Variants in MED27 observed in about 807,000 individuals in gnomAD.
The protein encoded by MED27 is mediator of RNA polymerase II transcription subunit 27.
In MED27, 30 loss-of-function variants were observed where a neutral mutation model predicts 38.2. The observed-to-expected ratio is 0.79, with a 90% confidence interval of 0.59 to 1.07. The LOEUF (loss-of-function observed/expected upper bound fraction) is 1.07, where lower values mean the gene tolerates loss of function less well. Among genes scored for constraint, MED27 ranks in the 50% least tolerant of loss-of-function variants. The probability of loss-of-function intolerance (pLI) is 0.00; values close to 1 mark genes in which losing one functional copy is unlikely to be tolerated. For missense variants in MED27, 289 were observed against 397.5 expected, an observed-to-expected ratio of 0.73 and a Z score of 2.32; for synonymous variants, 122 against 153.5, an observed-to-expected ratio of 0.79 and a Z score of 1.52.
chr9:132,067,049 T>C (rs1166245473), intron 2 of MED27, among the ~76,000 whole-genome samples: 1 of 152,158 alleles, frequency 6.6e-6, no homozygotes, highest in African/African-American at 2.4e-5. Flanking sequence ...AATCTAAAAA[T>C]GACCGAGGAA....
In MED27 at chr9:131,963,464, GAC is replaced by G. The variant is rs1831261032; in HGVS notation, c.480-23992_480-23991del. The stretch of plus-strand genomic sequence containing the variant: ...AGCAGAAGAAGATGGGAACAAGGGA[GAC>G]ACCTATATCATGGCAAAAGTATTTA... On this transcript the variant is annotated intron_variant, in intron 3 of 7. Coordinates refer to ENST00000292035, the MANE Select transcript of MED27 (RefSeq NM_004269.4). Among the ~76,000 whole-genome samples, 5 of 151,964 alleles carry G rather than the reference GAC, an allele frequency of 3.3e-5. No homozygotes were observed. The South Asian group carries it at 1.0e-3, about 32-fold the overall frequency.
intron 3 of MED27, among the ~76,000 whole-genome samples, chr9:131,995,121 A>G (rs1332183915): frequency 6.6e-6 from 1 of 152,144 alleles, no homozygotes; most frequent in East Asian, 1.9e-4. Flanking sequence ...TCAAGGTCCT[A>G]GAAGGAAAAA....
At chr9:131,972,827 C>T (rs1831510604) in intron 3 of MED27, among the ~76,000 whole-genome samples, 1 of 152,190 alleles carries the variant, frequency 6.6e-6, no homozygotes, top group African/African-American at 2.4e-5. Flanking sequence ...ACGGGTGGGT[C>T]ATCTGAGGTC....
rs558339837 is a variant in MED27 at position 132,073,855 on chromosome 9, T to C, written c.348+3587A>G. The C allele has an allele frequency of 3.0e-6, 4 of 1,322,874 alleles. No individual in the cohort carries two copies. In the East Asian group the frequency reaches 8.5e-5, roughly 28 times the overall value. 81.9% of individuals were successfully genotyped at this position (1,322,874 alleles called of 1,614,324 possible). On this transcript the variant is annotated intron_variant, in intron 2 of 7. Coordinates refer to ENST00000292035, the MANE Select transcript of MED27 (RefSeq NM_004269.4). ...GTGACACTTCTGGGGTCTTTGCAGC[T>C]TCAGATGTTGCCAGGGAAAGGCGGA...
intron 3 of MED27, among the ~76,000 whole-genome samples, chr9:131,986,995 A>G (rs984871413): frequency 9.5e-6 from 1 of 105,496 alleles, no homozygotes; most frequent in Non-Finnish European, 1.9e-5. Flanking sequence ...CCTTGAGTTC[A>G]TGGATTTTTT....
chr9:132,053,627 C>T (rs1477159047), intron 2 of MED27, among the ~76,000 whole-genome samples: 4 of 152,150 alleles, frequency 2.6e-5, no homozygotes, highest in African/African-American at 4.8e-5. Context: ...GGAGTCACAC[C>T]GCTGGGAAAC....
chr9:131,995,157 A>G (rs915298651), intron 3 of MED27, among the ~76,000 whole-genome samples: 1 of 152,122 alleles, frequency 6.6e-6, no homozygotes, highest in Non-Finnish European at 1.5e-5. Flanking sequence ...ACAAGAAAGT[A>G]TGAGGTATGG....
chr9:132,008,965 C>T (rs1171177504), intron 3 of MED27, among the ~76,000 whole-genome samples: 1 of 152,220 alleles, frequency 6.6e-6, no homozygotes, highest in African/African-American at 2.4e-5. Flanking sequence ...TCCTTCACAG[C>T]CAGCAGCAGA....
Position 131,932,038 on chromosome 9 carries a change from A to T in MED27, c.573+7343T>A, listed in dbSNP as rs1830598501. On this transcript the variant is annotated intron_variant, in intron 4 of 7. Transcript: ENST00000292035. ...GAACACTTCATCCAATGACTGCAGA[A>T]CACATATTCTTCTCCTCAGCACACA... 2.0e-5 allele frequency among the ~76,000 whole-genome samples: 3 copies of T among 152,176 alleles called. No individual in the cohort carries two copies. The South Asian group carries it at 6.2e-4, about 31-fold the overall frequency.
intron 2 of MED27, among the ~76,000 whole-genome samples, chr9:132,028,977 A>C (rs1832889391): frequency 1.3e-5 from 2 of 152,230 alleles, no homozygotes; most frequent in Admixed American, 6.5e-5. Context: ...CAGTCTCTTG[A>C]GACCTGGAAG....
intron 4 of MED27, among the ~76,000 whole-genome samples, chr9:131,921,049 C>T (rs1455892736): frequency 1.3e-5 from 2 of 152,154 alleles, no homozygotes; most frequent in East Asian, 1.9e-4. Context: ...GTAGAAGCAA[C>T]AGTCAGATTC....
At chr9:131,908,873 TTA>T (rs1830134125) in intron 4 of MED27, among the ~76,000 whole-genome samples, 1 of 88,504 alleles carries the variant, frequency 1.1e-5, no homozygotes, top group Non-Finnish European at 2.8e-5. Context: ...GAATGATCAA[TTA>T]AAAAAAAAAA....
intron 4 of MED27, among the ~76,000 whole-genome samples, chr9:131,897,311 AC>A (rs542026436): frequency 1.3e-3 from 203 of 152,382 alleles, no homozygotes; most frequent in African/African-American, 4.4e-3. Flanking sequence ...GGCAAACAAT[AC>A]AAATATTTTA....
intron 2 of MED27, among the ~76,000 whole-genome samples, chr9:132,017,345 T>A (rs1425560915): frequency 6.6e-6 from 1 of 152,148 alleles, no homozygotes; most frequent in Non-Finnish European, 1.5e-5. Flanking sequence ...ATTAGAAACA[T>A]ATAACTCCCC....
chr9:132,055,332 C>A (rs1383911566), intron 2 of MED27, among the ~76,000 whole-genome samples: 2 of 152,194 alleles, frequency 1.3e-5, no homozygotes, highest in Non-Finnish European at 2.9e-5. Context: ...ACTGGAAATT[C>A]TTTTTCATTA....
At chr9:132,065,555 A>G (rs1189264734) in intron 2 of MED27, among the ~76,000 whole-genome samples, 1 of 152,244 alleles carries the variant, frequency 6.6e-6, no homozygotes, top group Non-Finnish European at 1.5e-5. Flanking sequence ...GACACCCCGC[A>G]AAGATGCCAG....
In MED27 at chr9:131,913,944, C is replaced by CTTCATTCA. The variant is rs35699422; in HGVS notation, c.574-19960_574-19953dup. On this transcript the variant is annotated intron_variant, in intron 4 of 7. Transcript: ENST00000292035. The surrounding 1 kb of genome is among the most constrained non-coding windows in gnomAD (Gnocchi z 4.5). ...TCTAGCGCTTGCTTGTACCGCTTGT[C>CTTCATTCA]TTCATTCATTCATTCAACAGCTCTT... Among the ~76,000 whole-genome samples the CTTCATTCA allele has an allele frequency of 2.6e-5, 4 of 151,702 alleles. No homozygotes were observed. Among genetic ancestry groups the CTTCATTCA allele is most frequent in the South Asian group, 2.1e-4 (1 of 4,802 alleles).
intron 4 of MED27, among the ~76,000 whole-genome samples, chr9:131,900,207 A>G (rs969697908): frequency 2.0e-5 from 3 of 152,182 alleles, no homozygotes; most frequent in African/African-American, 7.2e-5. Flanking sequence ...GTGCATTTAT[A>G]AAACCTGCCC....
intron 3 of MED27, among the ~76,000 whole-genome samples, chr9:131,948,664 C>CA (rs1026713177): frequency 6.6e-6 from 1 of 152,204 alleles, no homozygotes; most frequent in African/African-American, 2.4e-5. Flanking sequence ...CATCCTAACA[C>CA]AACTGGCTAC....
Sources: gnomAD v4.1 joint callset for allele counts (sites outside exome capture counted in the v4.1 genomes callset) on GRCh38, gnomAD v4.1.1 for gene constraint, Gnocchi (gnomAD v3.1) non-coding constraint, MANE v1.5 for transcripts, NCBI Gene and HGNC (gene_info 2026-07-23, HGNC 2026-07-21) for gene names.